KIF13B: variants seen among roughly 807,000 people sequenced by gnomAD.
The protein encoded by KIF13B is kinesin-like protein KIF13B.
KIF13B carries 127 observed loss-of-function variants against 222.0 expected under a neutral mutation model. The observed-to-expected ratio is 0.57, with a 90% CI of 0.50 to 0.66. The LOEUF is 0.66. Ranked by LOEUF, KIF13B falls within the 30% of genes least tolerant of loss-of-function variation. KIF13B has a pLI of 0.00. For synonymous variants in KIF13B, 976 were observed against 919.0 expected, an observed-to-expected ratio of 1.06 and a Z score of -1.12; for missense variants, 2,173 against 2,379.0, an observed-to-expected ratio of 0.91 and a Z score of 1.80.
rs1161546507 is a variant in KIF13B at position 29,067,449 on chromosome 8, A to T, written c.*3055T>A. ...TTAAACTCCCATTTACTGTGTACCA[A>T]ATCAATATAATCACAGAATCAAAGT... On this transcript the variant is annotated 3_prime_UTR_variant, in exon 40 of 40. Coordinates refer to ENST00000524189, the MANE Select transcript of KIF13B (RefSeq NM_015254.4). The T allele has an allele frequency of 1.3e-5, 2 of 152,560 alleles. No individual in the cohort carries two copies. Among genetic ancestry groups the T allele is most frequent in the African/African-American group, 4.8e-5 (2 of 41,458 alleles). The allele number at this position is 152,560 out of a possible 1,614,324, so 9.5% of individuals were successfully genotyped here. A position where few individuals can be genotyped will look rare whatever the true frequency, so the allele number is the denominator to read the frequency against.
intron 37 of KIF13B, among the ~76,000 whole-genome samples, chr8:29,085,524 A>C (rs1808003204): frequency 6.7e-6 from 1 of 150,374 alleles, no homozygotes; most frequent in African/African-American, 2.4e-5. Context: ...GTGTCACCAC[A>C]CCCACATATT....
intron 1 of KIF13B, among the ~76,000 whole-genome samples, chr8:29,250,365 T>C (rs1252001427): frequency 6.6e-6 from 1 of 152,140 alleles, no homozygotes; most frequent in African/African-American, 2.4e-5. Context: ...TCTCATATGC[T>C]CTTAACAGCT....
chr8:29,133,424 A>G (rs1810430788), intron 22 of KIF13B, among the ~76,000 whole-genome samples: 1 of 152,186 alleles, frequency 6.6e-6, no homozygotes, highest in Non-Finnish European at 1.5e-5. Context: ...CCTTGTCTCT[A>G]CTAAAAATAC....
intron 36 of KIF13B, 151 bp downstream of exon 36, chr8:29,098,982 A>C: frequency 1.5e-6 from 1 of 689,114 alleles, no homozygotes; most frequent in Non-Finnish European, 2.6e-6. Context: ...TTCCAGAGCC[A>C]ATGGAACTCA....
intron 2 of KIF13B, among the ~76,000 whole-genome samples, chr8:29,223,021 C>T (rs980507968): frequency 1.3e-4 from 20 of 151,786 alleles, no homozygotes; most frequent in Non-Finnish European, 2.8e-4. Context: ...TATATATATA[C>T]ATATAAATCT....
In KIF13B at chr8:29,072,359, T is replaced by C. The variant is rs1325984397; in HGVS notation, c.4522-43A>G. On this transcript the variant is annotated intron_variant, in intron 38 of 39. Transcript: ENST00000524189. Reference sequence around the variant, plus strand: ...AGCAGGGGCTGAGAACAGAAAACTTTCCAACACGAACCAAGCAGGCAGCTT... The same window carrying C: ...AGCAGGGGCTGAGAACAGAAAACTTCCCAACACGAACCAAGCAGGCAGCTT... 16 of 1,312,980 alleles carry C rather than the reference T, an allele frequency of 1.2e-5. No individual in the cohort carries two copies. The South Asian group carries it at 3.2e-4, about 26-fold the overall frequency. 81.3% of individuals were successfully genotyped at this position (1,312,980 alleles called of 1,614,324 possible).
At chr8:29,234,993 G>T (rs1171030326) in intron 2 of KIF13B, among the ~76,000 whole-genome samples, 1 of 151,936 alleles carries the variant, frequency 6.6e-6, no homozygotes, top group South Asian at 2.1e-4. Context: ...CATATCTCTG[G>T]GTAAAATATG....
intron 36 of KIF13B, among the ~76,000 whole-genome samples, chr8:29,096,521 A>T (rs55992814): frequency 0.02 from 3,092 of 151,686 alleles, 86 homozygotes; most frequent in African/African-American, 0.071. Flanking sequence ...GCTGGTCTCA[A>T]CTAACCCACA....
At chr8:29,207,104 G>A (rs140644101) in intron 2 of KIF13B, among the ~76,000 whole-genome samples, 124 of 152,066 alleles carry the variant, frequency 8.2e-4, no homozygotes, top group African/African-American at 2.7e-3. Context: ...CAACTCCCTC[G>A]CAGATGAAAT....
At position 29,116,756 on chromosome 8, in the gene KIF13B, T is replaced by C. The variant is rs372235883; in HGVS notation, c.3837+75A>G. ...CCGGGAGCCTGTTTGGACAGAAGGT[T>C]AACAGCAAGCACTGCACGGCCCTAC... On this transcript the variant is annotated intron_variant, in intron 31 of 39. Coordinates refer to ENST00000524189, the MANE Select transcript of KIF13B (RefSeq NM_015254.4). 65 of 1,392,612 alleles carry C rather than the reference T, an allele frequency of 4.7e-5. 1 individual carries two copies. The East Asian group carries it at 5.7e-4, about 12-fold the overall frequency. The allele number at this position is 1,392,612 out of a possible 1,614,324, so 86.3% of individuals were successfully genotyped here. A position where few individuals can be genotyped will look rare whatever the true frequency, so the allele number is the denominator to read the frequency against.
rs371702237 is a variant in KIF13B at position 29,157,392 on chromosome 8, CAAAAAAA to C, written c.1405-1543_1405-1537del. On this transcript the variant is annotated intron_variant, in intron 13 of 39. Coordinates refer to ENST00000524189, the MANE Select transcript of KIF13B (RefSeq NM_015254.4). ...CAACACAGTGAGACCTCGTCTCTAC[CAAAAAAA>C]AAAAAAAAAAAAAAAAATTGTGGCC... 1.5e-4 allele frequency among the ~76,000 whole-genome samples: 13 copies of C among 89,160 alleles called. No individual in the cohort carries two copies. In the East Asian group the frequency reaches 2.6e-3, roughly 18 times the overall value. 58.5% of individuals were successfully genotyped at this position (89,160 alleles called of 152,430 possible). A position where few individuals can be genotyped will look rare whatever the true frequency, so the allele number is the denominator to read the frequency against.
intron 2 of KIF13B, among the ~76,000 whole-genome samples, chr8:29,224,637 C>A (rs1252106281): frequency 6.6e-6 from 1 of 151,894 alleles, no homozygotes; most frequent in East Asian, 1.9e-4. Flanking sequence ...AAAAGTGTAA[C>A]CTTTTCCCCA....
At chr8:29,114,308 A>C (rs567396352) in intron 31 of KIF13B, among the ~76,000 whole-genome samples, 3 of 152,250 alleles carry the variant, frequency 2.0e-5, no homozygotes, top group African/African-American at 7.2e-5. Context: ...ATTTGGTCTT[A>C]GACATACATC....
At chr8:29,119,083 T>G (rs1044255412) in intron 29 of KIF13B, 91 bp from the exon 30 acceptor site, 24 of 1,326,636 alleles carry the variant, frequency 1.8e-5, no homozygotes, top group Non-Finnish European at 2.5e-5. Flanking sequence ...ACAATTCTTC[T>G]GCTTCAAATT....
intron 10 of KIF13B, among the ~76,000 whole-genome samples, chr8:29,174,568 A>T (rs1003005006): frequency 2.6e-5 from 4 of 152,218 alleles, no homozygotes; most frequent in Admixed American, 1.3e-4. Flanking sequence ...TGGTGGGCCA[A>T]GGTGTTTTAA....
At chr8:29,131,905 T>C (rs1429967632) in intron 23 of KIF13B, among the ~76,000 whole-genome samples, 1 of 152,194 alleles carries the variant, frequency 6.6e-6, no homozygotes, top group South Asian at 2.1e-4. Flanking sequence ...CAGAAAATAG[T>C]AACCTCTATA....
rs756503292 is a variant in KIF13B at position 29,147,455 on chromosome 8, A to T, written c.1961T>A (p.Met654Lys). ...GGGCGAGTGGAAAGAAAACCTGTCC[A>T]TGCTCCGGCAGTTCTGCTTCTCAGG... ...LSPEKQNCRS[M>K]DRFSFHSPSA... The change falls in exon 17 of 40, where the codon ATG (methionine) becomes AAG (lysine). Residue 654 changes from methionine to lysine, a missense_variant. Met to Lys is a moderately conservative substitution (Grantham distance 95, BLOSUM62 -1). Coordinates refer to ENST00000524189, the MANE Select transcript of KIF13B (RefSeq NM_015254.4). 9 of 1,612,720 alleles carry T rather than the reference A, an allele frequency of 5.6e-6. No individual in the cohort carries two copies. Among genetic ancestry groups the T allele is most frequent in the Non-Finnish European group, 7.6e-6 (9 of 1,179,388 alleles).
intron 2 of KIF13B, among the ~76,000 whole-genome samples, chr8:29,220,507 T>C (rs1272849257): frequency 6.6e-6 from 1 of 152,080 alleles, no homozygotes; most frequent in Admixed American, 6.5e-5. Flanking sequence ...GACAGCTGGT[T>C]TGTTGACATT....
chr8:29,107,853 C>T (rs1015470322), intron 35 of KIF13B, among the ~76,000 whole-genome samples: 3 of 152,104 alleles, frequency 2.0e-5, no homozygotes, highest in East Asian at 3.9e-4. Context: ...AGCCACTGCG[C>T]CCAGCCTGAA....
Sources: gnomAD v4.1 joint callset for allele counts (sites outside exome capture counted in the v4.1 genomes callset) on GRCh38, gnomAD v4.1.1 for gene constraint, MANE v1.5 for transcripts, NCBI Gene and HGNC (gene_info 2026-07-23, HGNC 2026-07-21) for gene names.